The following MOB3B variants were observed in gnomAD, a reference collection of about 807,000 sequenced individuals.
MOB3B encodes the protein MOB kinase activator-like 2B.
MOB3B carries 7 observed loss-of-function variants against 18.7 expected under a neutral mutation model. The ratio of observed to expected loss-of-function variants is 0.37; its 90% confidence interval spans 0.21 to 0.70. MOB3B has a LOEUF of 0.70. Ranked by LOEUF, MOB3B falls within the 30% of genes least tolerant of loss-of-function variation. MOB3B has a pLI of 0.52. For missense variants in MOB3B, 253 were observed against 281.3 expected (o/e 0.90, Z 0.72); for synonymous variants, 111 against 99.9 (o/e 1.11, Z -0.66).
At chr9:27,404,074 TATC>T (rs934818971) in intron 2 of MOB3B, among the ~76,000 whole-genome samples, 16 of 152,136 alleles carry the variant, frequency 1.1e-4, no homozygotes, top group Non-Finnish European at 2.1e-4. Flanking sequence ...CTCCTCGCTT[TATC>T]TCCCCCTCCC....
At chr9:27,349,342 G>T (rs1487897766) in intron 3 of MOB3B, among the ~76,000 whole-genome samples, 1 of 152,176 alleles carries the variant, frequency 6.6e-6, no homozygotes, top group Non-Finnish European at 1.5e-5. Context: ...CCTTTATTGT[G>T]GTGGGACAGG....
At position 27,481,511 on chromosome 9, in the gene MOB3B, G is replaced by GTTTTT. The variant is rs536716885; in HGVS notation, c.-198-25768_-198-25764dup. On this transcript the variant is annotated intron_variant, in intron 1 of 3. Coordinates refer to ENST00000262244, the MANE Select transcript of MOB3B (RefSeq NM_024761.5). ...TAAGGAAGGTAGTTTTTTTTTTTTT[G>GTTTTT]TTTTTTTTGTTTTTTTTTTTTTTTG... 1.2e-3 allele frequency among the ~76,000 whole-genome samples: 85 copies of GTTTTT among 69,696 alleles called. 1 individual carries two copies. The highest frequency in any genetic ancestry group is 2.7e-3 in the Non-Finnish European group (71 of 26,600). The allele number at this position is 69,696 out of a possible 152,430, so 45.7% of individuals were successfully genotyped here.
intron 2 of MOB3B, among the ~76,000 whole-genome samples, chr9:27,377,927 C>G (rs547722895): frequency 6.6e-6 from 1 of 152,340 alleles, no homozygotes; most frequent in South Asian, 2.1e-4. Context: ...GCAAGCCCAG[C>G]CTGTCTTGCT....
intron 1 of MOB3B, among the ~76,000 whole-genome samples, chr9:27,473,758 C>T (rs767598116): frequency 6.6e-6 from 1 of 152,112 alleles, no homozygotes; most frequent in Non-Finnish European, 1.5e-5. Flanking sequence ...GGAAAGAAGG[C>T]ACCTTGGCAT....
At chr9:27,528,524 A>G (rs1448197944) in intron 1 of MOB3B, among the ~76,000 whole-genome samples, 2 of 152,180 alleles carry the variant, frequency 1.3e-5, no homozygotes, top group Admixed American at 1.3e-4. Flanking sequence ...CTCTAACCAC[A>G]AGGGCGGGGT....
chr9:27,326,449 G>A lies in MOB3B; in HGVS notation c.*4138C>T, dbSNP rs781618589. On this transcript the variant is annotated 3_prime_UTR_variant, in exon 4 of 4. Coordinates refer to ENST00000262244, the MANE Select transcript of MOB3B (RefSeq NM_024761.5). ...TTTCTAAAAGTGGGACACTAGAAAAGATATACTGAAACTCAAAAAGAATAC... is the reference window on the plus strand; with the variant it reads ...TTTCTAAAAGTGGGACACTAGAAAAAATATACTGAAACTCAAAAAGAATAC... The A allele has an allele frequency of 2.5e-6, 1 of 398,442 alleles. No individual in the cohort carries two copies. Among genetic ancestry groups the A allele is most frequent in the Admixed American group, 4.4e-5 (1 of 22,710 alleles). 24.7% of individuals were successfully genotyped at this position (398,442 alleles called of 1,614,324 possible).
chr9:27,482,873 A>T (rs1819681795), intron 1 of MOB3B, among the ~76,000 whole-genome samples: 2 of 152,210 alleles, frequency 1.3e-5, no homozygotes, highest in African/African-American at 4.8e-5. Flanking sequence ...TTGGCCTGAT[A>T]AGGCTGCTTC....
In MOB3B at chr9:27,455,139, A is replaced by T. The variant is rs930653947; in HGVS notation, c.412T>A (p.Cys138Ser). The T allele has an allele frequency of 1.9e-6, 3 of 1,614,146 alleles. No individual in the cohort carries two copies. Among genetic ancestry groups the T allele is most frequent in the Non-Finnish European group, 2.5e-6 (3 of 1,180,008 alleles). The change falls in exon 2 of 4, where the codon TGC becomes AGC. Residue 138 changes from cysteine to serine, a missense_variant. Transcript: ENST00000262244. ...GAGCTGGTAATGAACTTACCCACGCATGTTGGAAATATTTCCTCGTTGTTG... is the reference window on the plus strand; with the variant it reads ...GAGCTGGTAATGAACTTACCCACGCTTGTTGGAAATATTTCCTCGTTGTTG... ...QINNEEIFPT[C>S]VGVPFPKNFL... is the part of the protein sequence containing the mutation.
At chr9:27,504,190 T>C (rs545727459) in intron 1 of MOB3B, among the ~76,000 whole-genome samples, 15 of 152,346 alleles carry the variant, frequency 9.8e-5, no homozygotes, top group African/African-American at 3.6e-4. Flanking sequence ...CATTTATACG[T>C]TGGTATTCAG....
intron 1 of MOB3B, among the ~76,000 whole-genome samples, chr9:27,514,345 C>CAAAAAAAAAAAAAAAAAAAAAAAAAAAA (rs34526085): frequency 2.6e-5 from 2 of 77,638 alleles, no homozygotes; most frequent in Admixed American, 1.5e-4. Flanking sequence ...ACCACAAGCT[C>CAAAAAAAAAAAAAAAAAAAAAAAAAAAA]AAAAAAAAAA....
intron 2 of MOB3B, among the ~76,000 whole-genome samples, chr9:27,404,592 A>T (rs1472288102): frequency 1.3e-5 from 2 of 151,786 alleles, no homozygotes; most frequent in African/African-American, 2.4e-5. Flanking sequence ...TCCTGACCTC[A>T]GGTGATCCAC....
intron 3 of MOB3B, among the ~76,000 whole-genome samples, chr9:27,331,921 A>G (rs182628300): frequency 1.3e-5 from 2 of 152,364 alleles, no homozygotes; most frequent in East Asian, 1.9e-4. Flanking sequence ...ATAACAATAG[A>G]CAAGGCAGAA....
At chr9:27,448,157 G>A (rs1398061991) in intron 2 of MOB3B, among the ~76,000 whole-genome samples, 2 of 152,158 alleles carry the variant, frequency 1.3e-5, no homozygotes, top group Admixed American at 1.3e-4. Flanking sequence ...TGACAGCATG[G>A]GCTTTGGAGT....
rs1404627689 is a variant in MOB3B, at chr9:27,357,149, T to G, written c.621+1885A>C. 3.4e-4 allele frequency among the ~76,000 whole-genome samples: 15 copies of G among 44,384 alleles called. 2 individuals are homozygous for G. Among genetic ancestry groups the G allele is most frequent in the South Asian group, 1.2e-3 (2 of 1,736 alleles). The allele number at this position is 44,384 out of a possible 152,430, so 29.1% of individuals were successfully genotyped here. On this transcript the variant is annotated intron_variant, in intron 3 of 3. Coordinates refer to ENST00000262244, the MANE Select transcript of MOB3B (RefSeq NM_024761.5). Reference sequence around the variant, plus strand: ...ATATATATATATATATATATATGTGTTTTTTTTTTTGCCATATATTCTCAC... The same window carrying G: ...ATATATATATATATATATATATGTGGTTTTTTTTTTGCCATATATTCTCAC...
Position 27,506,826 on chromosome 9 carries a change from C to T in MOB3B, c.-199+22729G>A, listed in dbSNP as rs553289699. On this transcript the variant is annotated intron_variant, in intron 1 of 3. Coordinates refer to ENST00000262244, the MANE Select transcript of MOB3B (RefSeq NM_024761.5). Reference sequence around the variant, plus strand: ...ATTACAGGCGTGAGCCACCACACCCCGGCTAATTTTTTTTTTTTTTTTTTT... The same window carrying T: ...ATTACAGGCGTGAGCCACCACACCCTGGCTAATTTTTTTTTTTTTTTTTTT... Among the ~76,000 whole-genome samples the T allele has an allele frequency of 1.2e-4, 18 of 145,938 alleles. 1 individual carries two copies. Among genetic ancestry groups the T allele is most frequent in the East Asian group, 1.2e-3 (6 of 4,994 alleles).
At chr9:27,492,929 T>C (rs898149187) in intron 1 of MOB3B, among the ~76,000 whole-genome samples, 2 of 152,180 alleles carry the variant, frequency 1.3e-5, no homozygotes, top group Non-Finnish European at 2.9e-5. Context: ...GTCTGATTTC[T>C]AGGGTGCAAA....
intron 2 of MOB3B, among the ~76,000 whole-genome samples, chr9:27,443,161 G>A (rs974445008): frequency 6.6e-6 from 1 of 152,154 alleles, no homozygotes; most frequent in Non-Finnish European, 1.5e-5. Flanking sequence ...GATGCTGCTG[G>A]TCTAGGACCC....
chr9:27,443,933 C>G (rs1401851575), intron 2 of MOB3B, among the ~76,000 whole-genome samples: 2 of 152,066 alleles, frequency 1.3e-5, no homozygotes, highest in Non-Finnish European at 2.9e-5. Flanking sequence ...ATGTATGATA[C>G]ACATTCTTTA....
At chr9:27,432,988 A>G (rs1822438479) in intron 2 of MOB3B, among the ~76,000 whole-genome samples, 1 of 152,208 alleles carries the variant, frequency 6.6e-6, no homozygotes, top group Admixed American at 6.5e-5. Flanking sequence ...AGATTCAGGA[A>G]TACCCTTTTC....
Sources: gnomAD v4.1 joint callset for allele counts (sites outside exome capture counted in the v4.1 genomes callset) on GRCh38, gnomAD v4.1.1 for gene constraint, MANE v1.5 for transcripts, NCBI Gene and HGNC (gene_info 2026-07-23, HGNC 2026-07-21) for gene names.